The following SAXO5 variants were observed in gnomAD, a reference collection of about 807,000 sequenced individuals.
SAXO5 encodes the protein stabilizer of axonemal microtubules 5, also known as testis expressed 45.
chr19:7,506,240 TGGA>T, the SAXO5 span: 1 of 481,818 alleles, frequency 2.1e-6, no homozygotes, highest in Non-Finnish European at 2.6e-6. Flanking sequence ...CCCGCCCCCA[TGGA>T]GCCCCTCCCC....
the SAXO5 span, chr19:7,506,295 G>A: frequency 2.4e-4 from 184 of 767,498 alleles, no homozygotes; most frequent in African/African-American, 3.9e-3. Context: ...GGGAAGCCCA[G>A]CCCTGGAAGC....
the SAXO5 span, among the ~76,000 whole-genome samples, chr19:7,503,878 T>C: frequency 9.9e-4 from 151 of 152,316 alleles, no homozygotes; most frequent in African/African-American, 3.4e-3. Context: ...AGCCCATCTT[T>C]GCACTTCAGC....
At chr19:7,501,359 C>T in the SAXO5 span, 5 of 1,524,628 alleles carry the variant, frequency 3.3e-6, no homozygotes, top group Non-Finnish European at 4.3e-6. Flanking sequence ...TTCCACCCCA[C>T]GACGCGCGCC....
At chr19:7,497,888 T>C in the SAXO5 span, among the ~76,000 whole-genome samples, 2 of 152,064 alleles carry the variant, frequency 1.3e-5, no homozygotes, top group African/African-American at 2.4e-5. Context: ...CGGTGGCTCA[T>C]GCCTGTAATC....
At chr19:7,507,186 C>A in the SAXO5 span, 1 of 1,515,336 alleles carries the variant, frequency 6.6e-7, no homozygotes, top group Non-Finnish European at 9.1e-7. Flanking sequence ...GCAACCCCCA[C>A]ATTGGTGTAG....
At chr19:7,498,170 TAC>T in the SAXO5 span, among the ~76,000 whole-genome samples, 1,553 of 142,302 alleles carry the variant, frequency 0.011, 5 homozygotes, top group African/African-American at 0.02. Flanking sequence ...CACACACACA[TAC>T]ACACACACAC....
the SAXO5 span, chr19:7,499,932 T>TGTGTGTGTGTGTG: frequency 2.1e-4 from 23 of 109,008 alleles, no homozygotes; most frequent in African/African-American, 7.3e-4. Flanking sequence ...CTTGTCTAAT[T>TGTGTGTGTGTGTG]TGTGTGTGTG....
chr19:7,508,093 T>G, the SAXO5 span: 2 of 802,620 alleles, frequency 2.5e-6, no homozygotes, highest in Non-Finnish European at 4.0e-6. Context: ...CCAGCTAGCC[T>G]GCCCTGCCTG....
At chr19:7,506,966 G>T in the SAXO5 span, 1 of 1,055,978 alleles carries the variant, frequency 9.5e-7, no homozygotes. Context: ...CCTGGGCTTG[G>T]CTCTTGAACC....
At chr19:7,500,676 C>A in the SAXO5 span, 1 of 708,380 alleles carries the variant, frequency 1.4e-6, no homozygotes, top group Non-Finnish European at 2.1e-6. Flanking sequence ...CCCGTGATGT[C>A]CCCAGCCTCC....
the SAXO5 span, among the ~76,000 whole-genome samples, chr19:7,507,906 A>G: frequency 6.6e-6 from 1 of 152,160 alleles, no homozygotes; most frequent in African/African-American, 2.4e-5. Flanking sequence ...CTGAAGGGCT[A>G]AATCCCACCC....
chr19:7,501,462 A>AG, the SAXO5 span: 1 of 1,387,602 alleles, frequency 7.2e-7, no homozygotes. Context: ...AACAGGGGCA[A>AG]GGGCTCTTCA....
chr19:7,506,871 T>A, the SAXO5 span: 6 of 385,320 alleles, frequency 1.6e-5, no homozygotes, highest in Middle Eastern at 8.1e-4. Flanking sequence ...CTCCTCCCCC[T>A]TCCTCTGGCT....
chr19:7,507,124 G>A, the SAXO5 span: 1 of 1,614,006 alleles, frequency 6.2e-7, no homozygotes, highest in Admixed American at 1.7e-5. Context: ...CCCGGTGACT[G>A]AAGAGATGCT....
At chr19:7,498,389 TTTTC>T in the SAXO5 span, among the ~76,000 whole-genome samples, 1 of 126,912 alleles carries the variant, frequency 7.9e-6, no homozygotes, top group African/African-American at 2.8e-5. Flanking sequence ...TTTTGTATTT[TTTTC>T]TTTTTTTTTT....
At chr19:7,506,239 AT>A in the SAXO5 span, 2 of 431,646 alleles carry the variant, frequency 4.6e-6, no homozygotes, top group African/African-American at 7.9e-5. Flanking sequence ...CCCCGCCCCC[AT>A]GGAGCCCCTC....
At chr19:7,506,925 A>G in the SAXO5 span, 3 of 665,378 alleles carry the variant, frequency 4.5e-6, no homozygotes, top group South Asian at 3.6e-5. Flanking sequence ...CTCCTAATCC[A>G]TTTTTCTCCC....
At chr19:7,507,588 G>GAA in the SAXO5 span, among the ~76,000 whole-genome samples, 40 of 146,646 alleles carry the variant, frequency 2.7e-4, no homozygotes, top group Admixed American at 1.6e-3. Context: ...TCAAAAAAAG[G>GAA]AAAAAAAAAA....
chr19:7,505,663 G>C, the SAXO5 span: 1 of 1,587,116 alleles, frequency 6.3e-7, no homozygotes, highest in African/African-American at 1.3e-5. Context: ...AGGGAAAAGG[G>C]CTTCCCAGAC....
Sources: allele counts gnomAD v4.1 joint callset (sites outside exome capture counted in the v4.1 genomes callset), GRCh38; gene constraint gnomAD v4.1.1; transcripts MANE v1.5; gene names NCBI Gene and HGNC (gene_info 2026-07-23, HGNC 2026-07-21).